The following SPATC1L variants were observed in gnomAD, a reference collection of about 807,000 sequenced individuals.
The protein encoded by SPATC1L is speriolin-like protein.
Under a neutral mutation model 21.2 loss-of-function variants are expected in SPATC1L, and 20 were observed. The ratio of observed to expected loss-of-function variants is 0.94; its 90% CI spans 0.66 to 1.37. SPATC1L has a LOEUF of 1.37. SPATC1L is among the 40% of genes most tolerant of loss of function. SPATC1L has a pLI of 0.00. For missense variants in SPATC1L, 499 were observed against 478.7 expected (o/e 1.04, Z -0.40); for synonymous variants, 290 against 234.5 (o/e 1.24, Z -2.16).
intron 2 of SPATC1L, among the ~76,000 whole-genome samples, chr21:46,174,117 C>T (rs1435217446): frequency 6.6e-6 from 1 of 152,058 alleles, no homozygotes; most frequent in Non-Finnish European, 1.5e-5. Flanking sequence ...CACTTGAGGC[C>T]AGGAGTTCAA....
Position 46,168,447 on chromosome 21 carries a change from C to T in SPATC1L, c.405G>A (p.Pro135=), listed in dbSNP as rs373299805. 165 of 1,605,854 alleles carry T rather than the reference C, an allele frequency of 1.0e-4. 1 individual carries two copies. In the East Asian group the frequency reaches 1.9e-3, roughly 18 times the overall value. Residue 135 remains proline (P), a synonymous_variant, in exon 3 of 5, where the codon CCG becomes CCA. Transcript: ENST00000291672. Reference sequence around the variant, plus strand: ...GTGAGTCTTGCAAGGGGCTCAGGAGCGGGGACAGCTTCCTGTCGGTGCCTC... The same window carrying T: ...GTGAGTCTTGCAAGGGGCTCAGGAGTGGGGACAGCTTCCTGTCGGTGCCTC... The part of the protein sequence containing the change: ...SHRGTDRKLS[P]LLSPLQDSLV...
At chr21:46,168,690 G>A (rs2079559819) in intron 2 of SPATC1L, 32 bp from the exon 3 acceptor site, 2 of 1,317,194 alleles carry the variant, frequency 1.5e-6, no homozygotes, top group Non-Finnish European at 2.0e-6. Context: ...TGAGAAATCA[G>A]GCTGATGCTC....
chr21:46,162,009 GA>G lies in SPATC1L; in HGVS notation c.602del (p.Phe201SerfsTer15). 1 of 1,601,556 alleles carries G rather than the reference GA, an allele frequency of 6.2e-7. No individual in the cohort carries two copies. On this transcript the variant is annotated frameshift_variant, in exon 4 of 5. Transcript: ENST00000291672. LOFTEE classifies it high-confidence loss of function. ...KDARVVGEIA[F>X]QLDRRILAYV... ...AGGCCAGGATGCGGCGGTCCAGCTGGAAGGCGATCTCGCCCACCACGCGCGC... is the reference window on the plus strand; with the variant it reads ...AGGCCAGGATGCGGCGGTCCAGCTGGAGGCGATCTCGCCCACCACGCGCGC...
At position 46,161,268 on chromosome 21, in the gene SPATC1L, G is replaced by T; in HGVS notation, c.*111C>A. The T allele has an allele frequency of 2.7e-6, 3 of 1,092,150 alleles. No individual in the cohort carries two copies. The highest frequency in any genetic ancestry group is 2.5e-6 in the Non-Finnish European group (2 of 808,962). The allele number at this position is 1,092,150 out of a possible 1,614,324, so 67.7% of individuals were successfully genotyped here. A position where few individuals can be genotyped will look rare whatever the true frequency, so the allele number is the denominator to read the frequency against. On this transcript the variant is annotated 3_prime_UTR_variant, in exon 5 of 5. Coordinates refer to ENST00000291672, the MANE Select transcript of SPATC1L (RefSeq NM_001142854.2). ...TGGGAGCGGGGCCTTCTCTGGCCTC[G>T]CGCGCGGGGGACGCGGCCCTTTCCC...
intron 2 of SPATC1L, among the ~76,000 whole-genome samples, chr21:46,169,396 C>CT (rs200192221): frequency 0.059 from 3,295 of 56,168 alleles, 67 homozygotes; most frequent in African/African-American, 0.11. Flanking sequence ...GGGGAGGAGC[C>CT]CCTGCTCTGT....
Position 46,168,504 on chromosome 21 carries a change from G to A in SPATC1L, c.348C>T (p.Ala116=), listed in dbSNP as rs545720107. Residue 116 remains alanine, a synonymous_variant, in exon 3 of 5, where the codon GCC becomes GCT. Coordinates refer to ENST00000291672, the MANE Select transcript of SPATC1L (RefSeq NM_001142854.2). The stretch of plus-strand genomic sequence containing the variant: ...TATGTGGCTCTGGGGGACTGAGGAA[G>A]GCCTTGAAGGGTGCCTGGGAGGGGG... The part of the protein sequence containing the change: ...CAAPSQAPFK[A]FLSPPEPHSH... The A allele has an allele frequency of 8.4e-6, 13 of 1,551,906 alleles. No individual in the cohort carries two copies. In the South Asian group the frequency reaches 1.5e-4, roughly 18 times the overall value.
intron 2 of SPATC1L, among the ~76,000 whole-genome samples, chr21:46,170,944 G>T (rs919734695): frequency 1.1e-4 from 17 of 150,998 alleles, no homozygotes; most frequent in East Asian, 2.0e-4. Context: ...TCTGTGGATG[G>T]GGAGGAGCTT....
rs1325186994 is a variant in SPATC1L, at chr21:46,161,697, G to T, written c.705C>A (p.Thr235=). ...CGTCCACGGAGCCGTCCAGAGACTT[G>T]GTGGAGGTCTGCGGGCGCAGCGCAT... The part of the protein sequence containing the change: ...NIPEKIEQTS[T]KSLDGSVDER... The change falls in exon 5 of 5, where the codon ACC becomes ACA. Residue 235 remains threonine (T), a synonymous_variant. Coordinates refer to ENST00000291672, the MANE Select transcript of SPATC1L (RefSeq NM_001142854.2). 5 of 1,594,746 alleles carry T rather than the reference G, an allele frequency of 3.1e-6. No individual in the cohort carries two copies. The highest frequency in any genetic ancestry group is 4.3e-6 in the Non-Finnish European group (5 of 1,170,214).
chr21:46,161,758 G>A (rs1249252665), intron 4 of SPATC1L, 53 bp from the exon 5 acceptor site: 5 of 1,501,640 alleles, frequency 3.3e-6, no homozygotes, highest in East Asian at 4.9e-5. Context: ...CTCGGACGGG[G>A]ACTTCCAGGC....
At chr21:46,162,170 TC>T in intron 3 of SPATC1L, 103 bp from the exon 4 acceptor site, 1 of 1,284,684 alleles carries the variant, frequency 7.8e-7, no homozygotes, top group Non-Finnish European at 1.0e-6. Context: ...ACCCCCCTCC[TC>T]CCACCTGCCG....
At chr21:46,162,606 A>C (rs542949018) in intron 3 of SPATC1L, among the ~76,000 whole-genome samples, 1 of 11,802 alleles carries the variant, frequency 8.5e-5, no homozygotes, top group Non-Finnish European at 1.6e-4. Context: ...TTTTTTTCTT[A>C]GACAGAGTCT....
chr21:46,171,791 G>A (rs2079592269), intron 2 of SPATC1L, among the ~76,000 whole-genome samples: 1 of 152,142 alleles, frequency 6.6e-6, no homozygotes, highest in Admixed American at 6.6e-5. Context: ...TGGATGGTCT[G>A]TGGGTGAGTG....
intron 4 of SPATC1L, 49 bp downstream of exon 4, chr21:46,161,867 G>C (rs2079497114): frequency 6.3e-7 from 1 of 1,586,478 alleles, no homozygotes; most frequent in Non-Finnish European, 8.5e-7. Flanking sequence ...CACAGGGACG[G>C]ACCGAGCGCC....
chr21:46,181,181 C>T (rs1479909000), intron 2 of SPATC1L, among the ~76,000 whole-genome samples: 2 of 152,232 alleles, frequency 1.3e-5, no homozygotes, highest in Non-Finnish European at 2.9e-5. Context: ...AGCCACAGTG[C>T]CCGGGCCTCA....
intron 3 of SPATC1L, among the ~76,000 whole-genome samples, chr21:46,167,499 A>T (rs2079549755): frequency 6.6e-6 from 1 of 152,226 alleles, no homozygotes. Flanking sequence ...TGTAACAAAA[A>T]ATCGGTTATT....
rs1300363690 is a variant in SPATC1L at position 46,182,681 on chromosome 21, C to G, written c.136G>C (p.Asp46His). The change falls in exon 2 of 5, where the codon GAC (aspartate) becomes CAC (histidine). Residue 46 changes from aspartate (D) to histidine (H), a missense_variant. By Grantham distance (81) the Asp-to-His change is moderately conservative (BLOSUM62 -1). Coordinates refer to ENST00000291672, the MANE Select transcript of SPATC1L (RefSeq NM_001142854.2). ...GCATGCGCCCTGGGTGGGAGCAGGT[C>G]GTGGCCGCCGCCCTCCTGGCAGCTC... ...SQSCQEGGGH[D>H]LLPPRAHAYP... The G allele has an allele frequency of 2.6e-6, 4 of 1,542,262 alleles. No individual in the cohort carries two copies. The highest frequency in any genetic ancestry group is 1.4e-5 in the African/African-American group (1 of 72,940).
At chr21:46,181,131 G>A (rs2079669649) in intron 2 of SPATC1L, among the ~76,000 whole-genome samples, 3 of 152,212 alleles carry the variant, frequency 2.0e-5, no homozygotes, top group Non-Finnish European at 2.9e-5. Context: ...CGCAGCCTGC[G>A]GCGGTCCACA....
At chr21:46,162,451 G>C (rs909783818) in intron 3 of SPATC1L, among the ~76,000 whole-genome samples, 1 of 152,130 alleles carries the variant, frequency 6.6e-6, no homozygotes, top group Non-Finnish European at 1.5e-5. Flanking sequence ...GAACAGGGCC[G>C]GTCGGCTTGG....
At chr21:46,177,371 G>C (rs2079640004) in intron 2 of SPATC1L, among the ~76,000 whole-genome samples, 1 of 152,048 alleles carries the variant, frequency 6.6e-6, no homozygotes, top group South Asian at 2.1e-4. Flanking sequence ...TCTGACAAAG[G>C]TCTAATATTC....
Sources: gnomAD v4.1 joint callset for allele counts (sites outside exome capture counted in the v4.1 genomes callset) on GRCh38, gnomAD v4.1.1 for gene constraint, MANE v1.5 for transcripts, NCBI Gene and HGNC (gene_info 2026-07-23, HGNC 2026-07-21) for gene names.